The following NRXN3 variants were observed in gnomAD, a reference collection of about 807,000 sequenced individuals.
The protein encoded by NRXN3 is neurexin 3.
NRXN3 carries 32 observed loss-of-function variants against 137.6 expected under a neutral mutation model. The ratio of observed to expected loss-of-function variants is 0.23; its 90% CI spans 0.18 to 0.31. The LOEUF is 0.31. Among genes scored for constraint, NRXN3 ranks in the 10% least tolerant of loss-of-function variants. The pLI, the probability that NRXN3 is intolerant of heterozygous loss-of-function variation, is 1.00. For missense variants in NRXN3, 1,574 were observed against 2,062.5 expected, an observed-to-expected ratio of 0.76 and a Z score of 4.59; for synonymous variants, 798 against 784.5, an observed-to-expected ratio of 1.02 and a Z score of -0.29.
In NRXN3 at chr14:78,278,653, C is replaced by G; in HGVS notation, c.718C>G (p.Gln240Glu). The G allele has an allele frequency of 6.5e-7, 1 of 1,535,148 alleles. No homozygotes were observed. The change falls in exon 3 of 21, where the codon CAA becomes GAA. Residue 240 changes from glutamine (Q) to glutamate (E), a missense_variant. Physicochemically the swap from Gln to Glu is conservative, Grantham distance 29. Transcript: ENST00000335750. ...TGAAAATGCTGCCACAGATGTCAGT[C>G]AAGATCCAGGTGAGTCTTTGTGTTT... ...GGKLCSEDVS[Q>E]DPGLSHLMMS...
intron 16 of NRXN3, among the ~76,000 whole-genome samples, chr14:79,545,381 T>C (rs1030125089): frequency 6.6e-6 from 1 of 152,142 alleles, no homozygotes; most frequent in South Asian, 2.1e-4. Flanking sequence ...TAAATGCAGA[T>C]GTTGTTTTTA....
chr14:79,141,744 C>T (rs1377006759), intron 15 of NRXN3, among the ~76,000 whole-genome samples: 1 of 152,180 alleles, frequency 6.6e-6, no homozygotes, highest in Non-Finnish European at 1.5e-5. Context: ...TGGTTTTAAA[C>T]CTGTGCCTTG....
chr14:78,586,699 C>CCGA (rs2152385664), intron 4 of NRXN3, among the ~76,000 whole-genome samples: 1 of 152,264 alleles, frequency 6.6e-6, no homozygotes, highest in African/African-American at 2.4e-5. Context: ...GCCATGTCCC[C>CCGA]CGACCCTGAC....
At chr14:78,760,458 A>G (rs189492003) in intron 8 of NRXN3, among the ~76,000 whole-genome samples, 1 of 148,918 alleles carries the variant, frequency 6.7e-6, no homozygotes, top group East Asian at 2.0e-4. Context: ...ATGAATAAAA[A>G]TACCCTCTTT....
At chr14:78,307,126 A>G (rs996094059) in intron 4 of NRXN3, among the ~76,000 whole-genome samples, 1 of 151,982 alleles carries the variant, frequency 6.6e-6, no homozygotes, top group African/African-American at 2.4e-5. Flanking sequence ...TTTGCTTGTC[A>G]TTTATTTGTT....
At position 79,680,443 on chromosome 14, in the gene NRXN3, TTG is replaced by T. The variant is rs112213664; in HGVS notation, c.3617-11714_3617-11713del. On this transcript the variant is annotated intron_variant, in intron 17 of 20. Transcript: ENST00000335750. ...AACCAAGGTTGCAAGGTAGGACTGT[TTG>T]TGTGTGTGTGTGTGTATGTGTGTGT... is the stretch of plus-strand genomic sequence containing the variant. Among the ~76,000 whole-genome samples the T allele has an allele frequency of 7.3e-4, 110 of 150,256 alleles. 1 individual carries two copies. Among genetic ancestry groups the T allele is most frequent in the Non-Finnish European group, 1.2e-3 (84 of 67,376 alleles).
chr14:79,588,896 C>T (rs2097781634), intron 16 of NRXN3, among the ~76,000 whole-genome samples: 1 of 152,006 alleles, frequency 6.6e-6, no homozygotes, highest in Non-Finnish European at 1.5e-5. Context: ...ATAGGGTATC[C>T]ATCCCCTCAA....
chr14:79,529,318 G>A (rs951252717), intron 16 of NRXN3, among the ~76,000 whole-genome samples: 2 of 152,174 alleles, frequency 1.3e-5, no homozygotes, highest in Non-Finnish European at 2.9e-5. Flanking sequence ...TACAATGTCT[G>A]GAATCTATGA....
chr14:78,317,732 A>G (rs1346196853), intron 4 of NRXN3, among the ~76,000 whole-genome samples: 1 of 152,250 alleles, frequency 6.6e-6, no homozygotes, highest in Non-Finnish European at 1.5e-5. Context: ...TAATCAGAGT[A>G]CTGGGACTCA....
chr14:78,895,384 C>CT (rs1479817058), intron 10 of NRXN3, among the ~76,000 whole-genome samples: 2 of 151,926 alleles, frequency 1.3e-5, no homozygotes, highest in African/African-American at 2.4e-5. Flanking sequence ...TAGCTTTAAA[C>CT]TTTTTTCTGC....
chr14:78,776,320 A>T (rs1012081042), intron 8 of NRXN3, among the ~76,000 whole-genome samples: 1 of 152,218 alleles, frequency 6.6e-6, no homozygotes, highest in Non-Finnish European at 1.5e-5. Context: ...CTGCCCTTTC[A>T]TCATACTGTT....
intron 15 of NRXN3, among the ~76,000 whole-genome samples, chr14:79,091,785 C>A (rs2049247151): frequency 6.6e-6 from 1 of 151,886 alleles, no homozygotes. Flanking sequence ...TAAGGTGGCA[C>A]CATTTACCAA....
In NRXN3 at chr14:79,191,677, C is replaced by T. The variant is rs894654466; in HGVS notation, c.3262+203536C>T. Among the ~76,000 whole-genome samples the T allele has an allele frequency of 5.9e-5, 9 of 152,104 alleles. 1 individual carries two copies. Among genetic ancestry groups the T allele is most frequent in the South Asian group, 4.1e-4 (2 of 4,826 alleles). ...TTCTATTTGCCAGGCATGTGACATA[C>T]GACTCTGAAATCTTGCAACAACCCA... On this transcript the variant is annotated intron_variant, in intron 15 of 20. Coordinates refer to ENST00000335750, the MANE Select transcript of NRXN3 (RefSeq NM_001330195.2).
At chr14:79,326,393 A>G (rs1331955685) in intron 15 of NRXN3, among the ~76,000 whole-genome samples, 1 of 152,182 alleles carries the variant, frequency 6.6e-6, no homozygotes, top group East Asian at 1.9e-4. Flanking sequence ...GGTAGGTACC[A>G]TTATCTCCAT....
intron 4 of NRXN3, among the ~76,000 whole-genome samples, chr14:78,361,322 G>T (rs2085078200): frequency 6.6e-6 from 1 of 152,172 alleles, no homozygotes; most frequent in Non-Finnish European, 1.5e-5. Flanking sequence ...TGTAGAGTAA[G>T]ACATAAGATT....
At chr14:79,359,302 G>T (rs2093601327) in intron 15 of NRXN3, among the ~76,000 whole-genome samples, 1 of 152,098 alleles carries the variant, frequency 6.6e-6, no homozygotes, top group African/African-American at 2.4e-5. Context: ...GACTGTCCTT[G>T]CCAATTTTTA....
intron 15 of NRXN3, among the ~76,000 whole-genome samples, chr14:79,008,091 A>C (rs183174447): frequency 5.3e-5 from 8 of 152,176 alleles, no homozygotes; most frequent in Admixed American, 2.0e-4. Context: ...AGATATCCAC[A>C]TAAGAAGGGG....
intron 4 of NRXN3, among the ~76,000 whole-genome samples, chr14:78,352,052 C>A (rs572798280): frequency 3.8e-4 from 56 of 148,872 alleles, no homozygotes; most frequent in Non-Finnish European, 6.9e-4. Flanking sequence ...CGCACCACTG[C>A]ACTCCAGCCT....
chr14:78,981,275 C>T (rs1182986129), intron 14 of NRXN3, among the ~76,000 whole-genome samples: 1 of 152,190 alleles, frequency 6.6e-6, no homozygotes, highest in Non-Finnish European at 1.5e-5. Flanking sequence ...ATCAAGACGT[C>T]ATCTTTTCCC....
Sources: gnomAD v4.1 joint callset for allele counts (sites outside exome capture counted in the v4.1 genomes callset) on GRCh38, gnomAD v4.1.1 for gene constraint, MANE v1.5 for transcripts, NCBI Gene and HGNC (gene_info 2026-07-23, HGNC 2026-07-21) for gene names.